ZNF407: variants seen among roughly 807,000 people sequenced by gnomAD.
The protein encoded by ZNF407 is zinc finger protein 407.
ZNF407 carries 17 observed loss-of-function variants against 131.2 expected under a neutral mutation model. That is an observed-to-expected ratio of 0.13 (90% CI 0.09 to 0.19). The LOEUF (loss-of-function observed/expected upper bound fraction) is 0.19. ZNF407 is among the 10% of genes least tolerant of loss of function. The pLI, the probability that ZNF407 is intolerant of heterozygous loss-of-function variation, is 1.00. For missense variants in ZNF407, 2,681 were observed against 2,830.6 expected, an observed-to-expected ratio of 0.95 and a Z score of 1.20; for synonymous variants, 1,156 against 1,062.0, an observed-to-expected ratio of 1.09 and a Z score of -1.72.
intron 8 of ZNF407, among the ~76,000 whole-genome samples, chr18:75,010,344 G>T (rs1972959437): frequency 6.6e-6 from 1 of 152,140 alleles, no homozygotes; most frequent in Non-Finnish European, 1.5e-5. Context: ...AAGTGATATG[G>T]GATATGCAGA....
chr18:74,862,107 A>G (rs577477949), intron 4 of ZNF407, among the ~76,000 whole-genome samples: 9 of 152,372 alleles, frequency 5.9e-5, no homozygotes, highest in South Asian at 2.1e-4. Context: ...GTTCTCTAAA[A>G]TTGTTTAAAT....
chr18:75,029,371 G>A (rs1973210533), intron 8 of ZNF407, among the ~76,000 whole-genome samples: 1 of 152,224 alleles, frequency 6.6e-6, no homozygotes, highest in African/African-American at 2.4e-5. Flanking sequence ...GCAGTGGCAT[G>A]TGCAGTTTTG....
chr18:74,671,260 G>C (rs536406749), intron 3 of ZNF407, among the ~76,000 whole-genome samples: 2 of 152,172 alleles, frequency 1.3e-5, no homozygotes, highest in South Asian at 4.1e-4. Context: ...GTTGGTCTGT[G>C]TGTCAGAATT....
chr18:74,851,596 C>T (rs1012150671), intron 4 of ZNF407, among the ~76,000 whole-genome samples: 41 of 152,256 alleles, frequency 2.7e-4, no homozygotes, highest in African/African-American at 8.9e-4. Flanking sequence ...ATTAATGAAA[C>T]TCAGATGGGT....
intron 7 of ZNF407, among the ~76,000 whole-genome samples, chr18:74,897,444 C>A (rs1029533223): frequency 3.3e-5 from 5 of 152,120 alleles, no homozygotes; most frequent in Admixed American, 2.0e-4. Context: ...TAAGTAGAAT[C>A]CAGATAAACA....
intron 4 of ZNF407, among the ~76,000 whole-genome samples, chr18:74,854,354 T>C (rs1452008699): frequency 6.6e-6 from 1 of 152,238 alleles, no homozygotes; most frequent in African/African-American, 2.4e-5. Flanking sequence ...GAAATGTGTC[T>C]TCTAATCAGC....
intron 3 of ZNF407, among the ~76,000 whole-genome samples, chr18:74,714,905 TCTC>T (rs1027778474): frequency 6.6e-6 from 1 of 152,124 alleles, no homozygotes; most frequent in African/African-American, 2.4e-5. Flanking sequence ...CTTGCATAAA[TCTC>T]CTCTGCTCAC....
At chr18:74,786,658 G>A (rs758962220) in intron 4 of ZNF407, among the ~76,000 whole-genome samples, 37 of 151,674 alleles carry the variant, frequency 2.4e-4, no homozygotes, top group Non-Finnish European at 4.1e-4. Flanking sequence ...TTTCGATGAC[G>A]TACTGCTTTT....
chr18:75,025,487 C>T (rs1454526492), intron 8 of ZNF407, among the ~76,000 whole-genome samples: 5 of 152,172 alleles, frequency 3.3e-5, no homozygotes, highest in African/African-American at 9.7e-5. Flanking sequence ...TGGCAGCTCA[C>T]GTGGTGTGCT....
chr18:74,875,659 T>C (rs1361433009), intron 4 of ZNF407, among the ~76,000 whole-genome samples: 8 of 152,194 alleles, frequency 5.3e-5, no homozygotes, highest in Admixed American at 1.3e-4. Flanking sequence ...GGACGTGATT[T>C]TTTTTTACAG....
chr18:74,663,004 C>T (rs758675334), intron 3 of ZNF407, among the ~76,000 whole-genome samples: 2 of 152,152 alleles, frequency 1.3e-5, no homozygotes, highest in African/African-American at 2.4e-5. Context: ...AGAAGGCAGA[C>T]GGAAGCTCTG....
chr18:74,706,940 C>CCTTTTTTTT (rs1967637808), intron 3 of ZNF407, among the ~76,000 whole-genome samples: 5 of 132,352 alleles, frequency 3.8e-5, no homozygotes, highest in Non-Finnish European at 8.0e-5. Flanking sequence ...AAGACAGCAG[C>CCTTTTTTTT]TTTTTTTTTT....
At chr18:74,984,874 G>C (rs1280176820) in intron 8 of ZNF407, among the ~76,000 whole-genome samples, 1 of 152,170 alleles carries the variant, frequency 6.6e-6, no homozygotes, top group African/African-American at 2.4e-5. Flanking sequence ...AGGATCATTG[G>C]CTCTGATTCT....
intron 7 of ZNF407, among the ~76,000 whole-genome samples, chr18:74,901,915 GTT>G (rs34297257): frequency 0.59 from 88,458 of 149,652 alleles, 28,324 homozygotes; most frequent in Non-Finnish European, 0.72. Context: ...TATTTTTAAG[GTT>G]TTTTTTTTTT....
intron 8 of ZNF407, among the ~76,000 whole-genome samples, chr18:75,006,238 C>T (rs771171702): frequency 6.6e-6 from 1 of 152,120 alleles, no homozygotes; most frequent in Non-Finnish European, 1.5e-5. Context: ...AAAATGACAG[C>T]TTTTAGATGT....
At chr18:75,030,912 G>A (rs1435508512) in intron 8 of ZNF407, among the ~76,000 whole-genome samples, 1 of 152,150 alleles carries the variant, frequency 6.6e-6, no homozygotes, top group Non-Finnish European at 1.5e-5. Context: ...TGCCAGAAAA[G>A]CAGGGCTTTC....
At chr18:74,790,457 T>G (rs1201883693) in intron 4 of ZNF407, among the ~76,000 whole-genome samples, 1 of 152,190 alleles carries the variant, frequency 6.6e-6, no homozygotes, top group Non-Finnish European at 1.5e-5. Flanking sequence ...AGACTCAGAT[T>G]TGGGGTATAA....
chr18:74,677,700 T>C (rs1359689423), intron 3 of ZNF407, among the ~76,000 whole-genome samples: 1 of 152,208 alleles, frequency 6.6e-6, no homozygotes, highest in African/African-American at 2.4e-5. Flanking sequence ...TCCTTGAACT[T>C]TTTTAAAATT....
intron 1 of ZNF407, among the ~76,000 whole-genome samples, chr18:74,616,444 A>G (rs1173091275): frequency 6.6e-6 from 1 of 152,058 alleles, no homozygotes; most frequent in African/African-American, 2.4e-5. Context: ...TGTCGTTTTT[A>G]TGGAGGTTTA....
Sources: allele counts gnomAD v4.1 joint callset (sites outside exome capture counted in the v4.1 genomes callset), GRCh38; gene constraint gnomAD v4.1.1; transcripts MANE v1.5; gene names NCBI Gene and HGNC (gene_info 2026-07-23, HGNC 2026-07-21).